TMEM135: variants seen among roughly 807,000 people sequenced by gnomAD.
The protein encoded by TMEM135 is transmembrane protein 135.
In TMEM135, 30 loss-of-function variants were observed where a neutral mutation model predicts 60.3. That is an observed-to-expected ratio of 0.50 (90% CI 0.37 to 0.68). The LOEUF is 0.68. TMEM135 is among the 30% of genes least tolerant of loss of function. TMEM135 has a pLI of 0.00. For missense variants in TMEM135, 468 were observed against 548.8 expected (o/e 0.85, Z 1.47); for synonymous variants, 190 against 186.7 (o/e 1.02, Z -0.14).
intron 7 of TMEM135, among the ~76,000 whole-genome samples, chr11:87,296,438 C>T (rs529451543): frequency 6.0e-4 from 91 of 152,140 alleles, no homozygotes; most frequent in Non-Finnish European, 1.1e-3. Context: ...TTTAACATCA[C>T]ACAAGTTAAC....
chr11:87,305,093 T>C (rs997027300), intron 8 of TMEM135, among the ~76,000 whole-genome samples: 13 of 152,222 alleles, frequency 8.5e-5, no homozygotes, highest in Non-Finnish European at 1.8e-4. Flanking sequence ...TTCAACTGAA[T>C]TTTGAATTCT....
At chr11:87,123,322 G>C (rs966776820) in intron 4 of TMEM135, among the ~76,000 whole-genome samples, 2 of 152,164 alleles carry the variant, frequency 1.3e-5, no homozygotes, top group African/African-American at 4.8e-5. Context: ...GCTTCTGGTA[G>C]ATCCTGGGAA....
Position 87,325,780 on chromosome 11 carries a change from C to T in TMEM135, c.*4447C>T. On this transcript the variant is annotated 3_prime_UTR_variant, in exon 15 of 15. Transcript: ENST00000305494. ...TGCACAGATATGGAAGGAGATGTTT[C>T]TCTGTATGTGAAGCCTTTAAATCCA... 2.2e-6 allele frequency: 1 copy of T among 453,876 alleles called. No individual in the cohort carries two copies. Among genetic ancestry groups the T allele is most frequent in the South Asian group, 1.6e-5 (1 of 64,466 alleles). 28.1% of individuals were successfully genotyped at this position (453,876 alleles called of 1,614,324 possible).
At chr11:87,210,643 G>T (rs1423005048) in intron 5 of TMEM135, among the ~76,000 whole-genome samples, 1 of 152,070 alleles carries the variant, frequency 6.6e-6, no homozygotes, top group Non-Finnish European at 1.5e-5. Flanking sequence ...AAGGAGGGGG[G>T]ACTCCTACCT....
chr11:87,107,665 A>G (rs7481222), intron 4 of TMEM135, among the ~76,000 whole-genome samples: 102,241 of 152,070 alleles, frequency 0.67, 35,587 homozygotes, highest in East Asian at 0.88. Flanking sequence ...GGCTATCATT[A>G]ATGGACATTT....
At chr11:87,141,399 A>G (rs1938258273) in intron 4 of TMEM135, among the ~76,000 whole-genome samples, 1 of 152,172 alleles carries the variant, frequency 6.6e-6, no homozygotes, top group Non-Finnish European at 1.5e-5. Flanking sequence ...TTGGTAGGAT[A>G]CAGAAAACAA....
At chr11:87,237,973 C>T (rs555431556) in intron 6 of TMEM135, among the ~76,000 whole-genome samples, 12 of 152,076 alleles carry the variant, frequency 7.9e-5, no homozygotes, top group African/African-American at 2.2e-4. Context: ...CCAGTTCCAT[C>T]TGTGTTGCAA....
intron 4 of TMEM135, among the ~76,000 whole-genome samples, chr11:87,136,420 A>G (rs1488272524): frequency 6.6e-6 from 1 of 152,046 alleles, no homozygotes; most frequent in Non-Finnish European, 1.5e-5. Context: ...TCTTAAGAAC[A>G]TTTATAACTA....
chr11:87,248,279 T>G (rs1361078017), intron 6 of TMEM135, among the ~76,000 whole-genome samples: 1 of 152,226 alleles, frequency 6.6e-6, no homozygotes, highest in Non-Finnish European at 1.5e-5. Context: ...ACCTCTAAAC[T>G]GTTCTCCATA....
At chr11:87,175,950 T>G (rs1216344772) in intron 5 of TMEM135, among the ~76,000 whole-genome samples, 1 of 152,250 alleles carries the variant, frequency 6.6e-6, no homozygotes, top group Non-Finnish European at 1.5e-5. Context: ...TTAAACACTT[T>G]GAATTAGCAA....
At chr11:87,159,650 T>C (rs1482057097) in intron 5 of TMEM135, among the ~76,000 whole-genome samples, 1 of 145,478 alleles carries the variant, frequency 6.9e-6, no homozygotes. Flanking sequence ...GGCTAAATGC[T>C]ATGGAAATGG....
chr11:87,057,411 T>C (rs1949903998), intron 1 of TMEM135, among the ~76,000 whole-genome samples: 1 of 152,202 alleles, frequency 6.6e-6, no homozygotes, highest in Admixed American at 6.5e-5. Context: ...CCCTAGTTTT[T>C]TGGCTTTCTT....
At chr11:87,290,013 T>TC (rs34210868) in intron 6 of TMEM135, among the ~76,000 whole-genome samples, 90,614 of 151,738 alleles carry the variant, frequency 0.6, 27,367 homozygotes, top group Non-Finnish European at 0.65. Context: ...TGGATATTAA[T>TC]CCCCCCTAGG....
intron 4 of TMEM135, among the ~76,000 whole-genome samples, chr11:87,139,875 T>C (rs1187569861): frequency 6.6e-6 from 1 of 152,224 alleles, no homozygotes; most frequent in Admixed American, 6.5e-5. Flanking sequence ...TATATTCATA[T>C]ATAGTATGTA....
Position 87,323,548 on chromosome 11 carries a change from T to G in TMEM135, c.*2215T>G, listed in dbSNP as rs1282636405. The G allele has an allele frequency of 2.2e-6, 1 of 453,252 alleles. No individual in the cohort carries two copies. The highest frequency in any genetic ancestry group is 4.4e-6 in the Non-Finnish European group (1 of 226,588). The allele number at this position is 453,252 out of a possible 1,614,324, so 28.1% of individuals were successfully genotyped here. A position where few individuals can be genotyped will look rare whatever the true frequency, so the allele number is the denominator to read the frequency against. ...TTCCAAAATATGTTTTTTAGTTTAT[T>G]TATATCCTGAAGAAATGGTAAGTTT... On this transcript the variant is annotated 3_prime_UTR_variant, in exon 15 of 15. Coordinates refer to ENST00000305494, the MANE Select transcript of TMEM135 (RefSeq NM_022918.4).
intron 10 of TMEM135, among the ~76,000 whole-genome samples, chr11:87,313,082 G>A (rs1334857666): frequency 6.6e-6 from 1 of 151,828 alleles, no homozygotes; most frequent in Non-Finnish European, 1.5e-5. Flanking sequence ...ATTGTGGCCT[G>A]ACAGACTTGT....
At chr11:87,162,004 G>A (rs1938893616) in intron 5 of TMEM135, among the ~76,000 whole-genome samples, 1 of 151,988 alleles carries the variant, frequency 6.6e-6, no homozygotes, top group Non-Finnish European at 1.5e-5. Flanking sequence ...CCTATTAATA[G>A]CTCATGTTCT....
intron 5 of TMEM135, among the ~76,000 whole-genome samples, chr11:87,198,406 C>T (rs970262311): frequency 6.6e-6 from 1 of 152,078 alleles, no homozygotes; most frequent in Non-Finnish European, 1.5e-5. Context: ...CAAAACAGAA[C>T]AAAACAAAGT....
intron 9 of TMEM135, among the ~76,000 whole-genome samples, chr11:87,307,444 C>T (rs757089971): frequency 2.0e-5 from 3 of 150,650 alleles, no homozygotes; most frequent in Non-Finnish European, 4.4e-5. Flanking sequence ...ATTTATTATT[C>T]CTTCCAACTG....
Sources: gnomAD v4.1 joint callset for allele counts (sites outside exome capture counted in the v4.1 genomes callset) on GRCh38, gnomAD v4.1.1 for gene constraint, MANE v1.5 for transcripts, NCBI Gene and HGNC (gene_info 2026-07-23, HGNC 2026-07-21) for gene names.